Variants in HDAC8 observed in about 807,000 individuals in gnomAD.
The protein encoded by HDAC8 is histone deacetylase 8.
HDAC8 carries 1 observed loss-of-function variant against 32.2 expected under a neutral mutation model. That is an observed-to-expected ratio of 0.03 (90% CI 0.01 to 0.15). HDAC8 has a LOEUF of 0.15. Ranked by LOEUF, HDAC8 falls within the 10% of genes least tolerant of loss-of-function variation. The pLI, the probability that HDAC8 is intolerant of heterozygous loss-of-function variation, is 1.00. For synonymous variants in HDAC8, 108 were observed against 113.9 expected (o/e 0.95, Z 0.33); for missense variants, 117 against 300.0 (o/e 0.39, Z 4.51).
chrX:72,505,586 G>T (rs1435628092), intron 4 of HDAC8, among the ~76,000 whole-genome samples: 1 of 111,199 alleles, frequency 9.0e-6, no homozygotes, highest in Non-Finnish European at 1.9e-5. Flanking sequence ...GGAGGCTGGG[G>T]TGGGAGGATT....
chrX:72,469,559 C>T (rs1335556749), intron 7 of HDAC8, among the ~76,000 whole-genome samples: 1 of 112,177 alleles, frequency 8.9e-6, no homozygotes, highest in Non-Finnish European at 1.9e-5. Flanking sequence ...CACACCTTTG[C>T]CATTTTTGCC....
At chrX:72,503,876 A>G (rs1172484371) in intron 4 of HDAC8, among the ~76,000 whole-genome samples, 6 of 112,222 alleles carry the variant, frequency 5.3e-5, no homozygotes, top group Non-Finnish European at 9.4e-5. Flanking sequence ...CCTGACTTAC[A>G]GGGTTCTCAG....
At chrX:72,465,329 T>G (rs2047989076) in intron 7 of HDAC8, among the ~76,000 whole-genome samples, 1 of 111,739 alleles carries the variant, frequency 8.9e-6, no homozygotes, top group African/African-American at 3.2e-5. Flanking sequence ...GATCTAAAAT[T>G]ATAAACCTGA....
At chrX:72,431,987 G>C (rs1383032390) in intron 9 of HDAC8, among the ~76,000 whole-genome samples, 1 of 111,354 alleles carries the variant, frequency 9.0e-6, no homozygotes, top group African/African-American at 3.3e-5. Context: ...CACACAGATT[G>C]GGTCTGAGTT....
intron 4 of HDAC8, among the ~76,000 whole-genome samples, chrX:72,501,974 C>A (rs186481456): frequency 2.9e-4 from 33 of 112,050 alleles, no homozygotes; most frequent in African/African-American, 1.0e-3. Context: ...TGAACAGATA[C>A]TTTTCAAAAG....
In HDAC8 at chrX:72,570,041, T is replaced by G. The variant is rs2051959256; in HGVS notation, c.165-1157A>C. On this transcript the variant is annotated intron_variant, in intron 2 of 10. Transcript: ENST00000373573. ...TGGGAACACAGCCATGAGTTTACGA[T>G]GAATGAATACGACTATACAGGCTAC... Among the ~76,000 whole-genome samples, 3 of 112,243 alleles carry G rather than the reference T, an allele frequency of 2.7e-5. No individual in the cohort carries two copies. In the Admixed American group the frequency reaches 2.8e-4, roughly 11 times the overall value.
chrX:72,544,973 G>A (rs782174474), intron 4 of HDAC8, among the ~76,000 whole-genome samples: 18 of 111,632 alleles, frequency 1.6e-4, no homozygotes, highest in Admixed American at 4.8e-4. Flanking sequence ...GGTTATCAGG[G>A]CTACCACATA....
chrX:72,426,493 G>A lies in HDAC8; in HGVS notation c.1005+35511C>T, dbSNP rs187878799. On this transcript the variant is annotated intron_variant, in intron 9 of 10. Transcript: ENST00000373573. ...AGTTTGTGTAAAATTCTTCCAATGA[G>A]CATATTAAAATTTTAAGTGGAGGAT... Among the ~76,000 whole-genome samples, 660 of 112,108 alleles carry A rather than the reference G, an allele frequency of 5.9e-3. 2 individuals carry two copies. The highest frequency in any genetic ancestry group is 0.014 in the Middle Eastern group (3 of 217).
intron 2 of HDAC8, among the ~76,000 whole-genome samples, chrX:72,571,691 C>G (rs1203757878): frequency 1.9e-5 from 2 of 106,369 alleles, no homozygotes; most frequent in Non-Finnish European, 3.9e-5. Flanking sequence ...CTCAGCCTCC[C>G]GAGTAGCTGG....
chrX:72,338,328 A>T (rs997761124), intron 10 of HDAC8, among the ~76,000 whole-genome samples: 1 of 111,002 alleles, frequency 9.0e-6, no homozygotes, highest in South Asian at 3.8e-4. Flanking sequence ...GCACTTTCCC[A>T]TTAAATTCCC....
intron 9 of HDAC8, among the ~76,000 whole-genome samples, chrX:72,363,565 C>T (rs1418701113): frequency 9.0e-6 from 1 of 110,565 alleles, no homozygotes; most frequent in Non-Finnish European, 1.9e-5. Flanking sequence ...CCCACACCTC[C>T]AATGAACTTT....
In HDAC8 at chrX:72,572,095, A is replaced by C; in HGVS notation, c.126T>G (p.His42Gln). Reference protein sequence around the residue: ...AKIPKRASMVHSLIEAYALHK... With the variant: ...AKIPKRASMVQSLIEAYALHK... ...GCAGTGCATATGCTTCAATCAAAGA[A>C]TGCACCATACTGGCCTAAAAACATC... The change falls in exon 2 of 11, where the codon CAT becomes CAG. Residue 42 changes from histidine to glutamine, a missense_variant. Around this residue, in one of 4 missense-constraint regions of HDAC8, gnomAD observed 37 missense variants for 53.1 expected, o/e 0.70. Coordinates refer to ENST00000373573, the MANE Select transcript of HDAC8 (RefSeq NM_018486.3). 8.4e-7 allele frequency: 1 copy of C among 1,193,310 alleles called. No individual in the cohort carries two copies. The highest frequency in any genetic ancestry group is 2.3e-5 in the Admixed American group (1 of 43,430).
At chrX:72,422,697 C>A (rs1405197846) in intron 9 of HDAC8, among the ~76,000 whole-genome samples, 1 of 112,216 alleles carries the variant, frequency 8.9e-6, no homozygotes, top group Admixed American at 9.5e-5. Context: ...AACTGTAACC[C>A]TTTGCCTCAG....
rs782250782 is a variant in HDAC8, at chrX:72,495,042, C to T, written c.550+114G>A. The stretch of plus-strand genomic sequence containing the variant: ...CACTACACTACCTACTTTAAATTCT[C>T]AATTAGGAAAATTTCAATTACAGCA... On this transcript the variant is annotated intron_variant, in intron 5 of 10. Transcript: ENST00000373573. 9.8e-5 allele frequency: 48 copies of T among 490,257 alleles called. No individual in the cohort carries two copies. The South Asian group carries it at 1.7e-3, about 17-fold the overall frequency. The allele number at this position is 490,257 out of a possible 1,213,427, so 40.4% of individuals were successfully genotyped here. A position where few individuals can be genotyped will look rare whatever the true frequency, so the allele number is the denominator to read the frequency against.
chrX:72,498,995 G>C (rs1482425354), intron 4 of HDAC8, among the ~76,000 whole-genome samples: 1 of 110,553 alleles, frequency 9.0e-6, no homozygotes, highest in African/African-American at 3.3e-5. Context: ...GTTCCCCTGG[G>C]AGCTGGTTGT....
intron 7 of HDAC8, among the ~76,000 whole-genome samples, chrX:72,482,936 T>C (rs1435831294): frequency 8.9e-6 from 1 of 111,855 alleles, no homozygotes; most frequent in Non-Finnish European, 1.9e-5. Context: ...AATGAAGCAA[T>C]GTAAATGTTT....
At chrX:72,541,394 T>C (rs1358299229) in intron 4 of HDAC8, among the ~76,000 whole-genome samples, 1 of 111,749 alleles carries the variant, frequency 8.9e-6, no homozygotes, top group Non-Finnish European at 1.9e-5. Context: ...AGAATAGCAG[T>C]TTTACCAGGG....
intron 3 of HDAC8, 87 bp from the exon 4 acceptor site, chrX:72,568,117 C>G (rs1046781075): frequency 2.5e-5 from 20 of 804,760 alleles, no homozygotes; most frequent in Non-Finnish European, 3.6e-5. Context: ...ACCTAACCTA[C>G]TAAAAAGCCA....
chrX:72,416,237 G>C (rs782641356), intron 9 of HDAC8, among the ~76,000 whole-genome samples: 3 of 109,014 alleles, frequency 2.8e-5, no homozygotes, highest in African/African-American at 9.9e-5. Context: ...AAATTATTTC[G>C]TATTTGGTGA....
Sources: gnomAD v4.1 joint callset for allele counts (sites outside exome capture counted in the v4.1 genomes callset) on GRCh38, gnomAD v4.1.1 for gene constraint, gnomAD v4.1.1 regional missense constraint, MANE v1.5 for transcripts, NCBI Gene and HGNC (gene_info 2026-07-23, HGNC 2026-07-21) for gene names.